JADE1: variants seen among roughly 807,000 people sequenced by gnomAD.
JADE1 encodes the protein protein Jade-1.
In JADE1, 14 loss-of-function variants were observed where a neutral mutation model predicts 81.8. That is an observed-to-expected ratio of 0.17 (90% confidence interval 0.11 to 0.27). The LOEUF (loss-of-function observed/expected upper bound fraction) is 0.27, where lower values mean the gene tolerates loss of function less well. Among genes scored for constraint, JADE1 ranks in the 10% least tolerant of loss-of-function variants. The pLI is 1.00. For missense variants in JADE1, 690 were observed against 1,047.9 expected, an observed-to-expected ratio of 0.66 and a Z score of 4.71; for synonymous variants, 353 against 391.9, an observed-to-expected ratio of 0.90 and a Z score of 1.17.
chr4:128,825,687 C>T (rs1217017857), intron 1 of JADE1, among the ~76,000 whole-genome samples: 1 of 152,254 alleles, frequency 6.6e-6, no homozygotes, highest in Non-Finnish European at 1.5e-5. Context: ...TCCTGCAGTG[C>T]AGACATTCCA....
chr4:128,809,935 C>T lies in JADE1; in HGVS notation c.-27+58C>T, dbSNP rs546345807. On this transcript the variant is annotated intron_variant, in intron 1 of 10. Transcript: ENST00000226319. ...TGGGCGCGCCGCGCGTGTGTCCGCG[C>T]GTGTCCGCGTGTGGGTCCGTGTGCG... 678 of 149,602 alleles carry T rather than the reference C, an allele frequency of 4.5e-3. 2 individuals are homozygous for T. The highest frequency in any genetic ancestry group is 6.8e-3 in the Non-Finnish European group (455 of 67,236). The allele number at this position is 149,602 out of a possible 1,614,324, so 9.3% of individuals were successfully genotyped here. A position where few individuals can be genotyped will look rare whatever the true frequency, so the allele number is the denominator to read the frequency against.
intron 1 of JADE1, among the ~76,000 whole-genome samples, chr4:128,831,224 T>C (rs17013759): frequency 0.022 from 3,339 of 152,276 alleles, 104 homozygotes; most frequent in African/African-American, 0.072. Context: ...ACCCGATTTG[T>C]TTTGTTTCTT....
At position 128,833,613 on chromosome 4, in the gene JADE1, G is replaced by A. The variant is rs528036126; in HGVS notation, c.52+1803G>A. Among the ~76,000 whole-genome samples, 37 of 152,260 alleles carry A rather than the reference G, an allele frequency of 2.4e-4. 2 individuals are homozygous for A. In the South Asian group the frequency reaches 6.8e-3, roughly 28 times the overall value. On this transcript the variant is annotated intron_variant, in intron 2 of 10. Transcript: ENST00000226319. ...GGAGGCTGAGGCAGGAGAATCACTT[G>A]AACCCAGGAGACGGAGGTTGCAGTG...
At chr4:128,865,616 C>A (rs1731724149) in intron 9 of JADE1, among the ~76,000 whole-genome samples, 1 of 152,072 alleles carries the variant, frequency 6.6e-6, no homozygotes, top group Non-Finnish European at 1.5e-5. Context: ...TAAGGGAAGT[C>A]AGGTTTAGAG....
At chr4:128,831,854 T>C (rs1175481904) in intron 2 of JADE1, 44 bp downstream of exon 2, 1 of 1,560,244 alleles carries the variant, frequency 6.4e-7, no homozygotes, top group African/African-American at 1.4e-5. Context: ...AGGGTTTGGG[T>C]CGGGGTAAAA....
At position 128,868,209 on chromosome 4, in the gene JADE1, T is replaced by C. The variant is rs148367966; in HGVS notation, c.1621+236T>C. Among the ~76,000 whole-genome samples the C allele has an allele frequency of 1.6e-3, 251 of 152,350 alleles. 2 individuals carry two copies. The Middle Eastern group carries it at 0.034, about 21-fold the overall frequency. On this transcript the variant is annotated intron_variant, in intron 10 of 10. Transcript: ENST00000226319. Reference sequence around the variant, plus strand: ...GTTCTCTGCTTACTGAGCAAACACATGAAAGTCTTTTGAGTCTCCCTAATT... The same window carrying C: ...GTTCTCTGCTTACTGAGCAAACACACGAAAGTCTTTTGAGTCTCCCTAATT...
chr4:128,810,342 G>A (rs949176937), intron 1 of JADE1: 4 of 151,202 alleles, frequency 2.6e-5, no homozygotes, highest in African/African-American at 9.7e-5. Context: ...TGAAGACTTA[G>A]AGCTATTTCT....
intron 2 of JADE1, 38 bp from the exon 3 acceptor site, chr4:128,842,915 A>T (rs369288231): frequency 6.3e-7 from 1 of 1,587,038 alleles, no homozygotes; most frequent in Admixed American, 1.7e-5. Flanking sequence ...GACCCCTGCA[A>T]TTTCTAATGG....
At position 128,855,064 on chromosome 4, in the gene JADE1, G is replaced by GCTTA. The variant is rs1212950754; in HGVS notation, c.697-566_697-565insCTTA. Among the ~76,000 whole-genome samples the GCTTA allele has an allele frequency of 7.2e-3, 1,093 of 152,166 alleles. 9 individuals are homozygous for GCTTA. Among genetic ancestry groups the GCTTA allele is most frequent in the African/African-American group, 0.025 (1,050 of 41,516 alleles). ...ACTGGGAGAGTGCTGGGATCTAGTT[G>GCTTA]GTATGGAGTTTGCTTAGCCTAGGGA... is the stretch of plus-strand genomic sequence containing the variant. On this transcript the variant is annotated intron_variant, in intron 6 of 10. Coordinates refer to ENST00000226319, the MANE Select transcript of JADE1 (RefSeq NM_199320.4).
intron 2 of JADE1, among the ~76,000 whole-genome samples, chr4:128,841,053 C>T (rs73850005): frequency 6.6e-6 from 1 of 152,178 alleles, no homozygotes; most frequent in Non-Finnish European, 1.5e-5. Context: ...CTTAAGGTCC[C>T]CAAGGTCTTA....
chr4:128,817,761 C>A (rs1310936517), intron 1 of JADE1, among the ~76,000 whole-genome samples: 1 of 152,150 alleles, frequency 6.6e-6, no homozygotes, highest in African/African-American at 2.4e-5. Context: ...ACACTGAAAC[C>A]CATGGAAGCT....
chr4:128,846,368 T>C lies in JADE1; in HGVS notation c.139-7T>C, dbSNP rs1729876148. 1 of 1,613,480 alleles carries C rather than the reference T, an allele frequency of 6.2e-7. No homozygotes were observed. Among genetic ancestry groups the C allele is most frequent in the Non-Finnish European group, 8.5e-7 (1 of 1,179,548 alleles). On this transcript the variant is annotated splice_polypyrimidine_tract_variant and splice_region_variant and intron_variant, in intron 3 of 10. Transcript: ENST00000226319. The surrounding 1 kb of genome is among the most constrained non-coding windows in gnomAD (Gnocchi z 4.0). ...AAATGTCAGTGTCCCTTTCTCTTCCTTTCCAGGTGTTTAGGACAGACCTGA... is the reference window on the plus strand; with the variant it reads ...AAATGTCAGTGTCCCTTTCTCTTCCCTTCCAGGTGTTTAGGACAGACCTGA...
intron 1 of JADE1, among the ~76,000 whole-genome samples, chr4:128,821,253 G>A (rs1368696388): frequency 2.6e-5 from 4 of 152,086 alleles, no homozygotes; most frequent in South Asian, 2.1e-4. Context: ...AAACTGAGAC[G>A]CGGAATAAGA....
intron 2 of JADE1, among the ~76,000 whole-genome samples, chr4:128,838,669 T>C (rs1201608862): frequency 1.3e-5 from 2 of 152,234 alleles, no homozygotes; most frequent in Admixed American, 6.5e-5. Context: ...TTCTAATTTC[T>C]GGTTTGACCC....
chr4:128,837,643 C>A (rs572428869), intron 2 of JADE1, among the ~76,000 whole-genome samples: 7 of 152,308 alleles, frequency 4.6e-5, no homozygotes, highest in Admixed American at 3.9e-4. Flanking sequence ...TAGTCTAGTA[C>A]AAGGCTAGCT....
chr4:128,817,011 G>A (rs4975263), intron 1 of JADE1, among the ~76,000 whole-genome samples: 75,097 of 151,266 alleles, frequency 0.5, 21,106 homozygotes, highest in South Asian at 0.64. Context: ...GGCGCATGCC[G>A]CCGTGTCTGT....
intron 1 of JADE1, among the ~76,000 whole-genome samples, chr4:128,817,588 A>G (rs750132202): frequency 2.6e-5 from 4 of 152,232 alleles, no homozygotes; most frequent in Admixed American, 1.3e-4. Flanking sequence ...GGCTTGCTTT[A>G]ATTTAGCACA....
intron 1 of JADE1, among the ~76,000 whole-genome samples, chr4:128,814,363 A>G (rs1726793140): frequency 1.3e-5 from 2 of 152,146 alleles, no homozygotes; most frequent in African/African-American, 2.4e-5. Context: ...TTAATTTTTG[A>G]CTTTAGCTGT....
At chr4:128,821,784 A>G (rs1431832370) in intron 1 of JADE1, among the ~76,000 whole-genome samples, 2 of 152,134 alleles carry the variant, frequency 1.3e-5, no homozygotes, top group African/African-American at 4.8e-5. Flanking sequence ...GGCCTCCCAA[A>G]GTGCTGGGAT....
Sources: gnomAD v4.1 joint callset for allele counts (sites outside exome capture counted in the v4.1 genomes callset) on GRCh38, gnomAD v4.1.1 for gene constraint, Gnocchi (gnomAD v3.1) non-coding constraint, MANE v1.5 for transcripts, NCBI Gene and HGNC (gene_info 2026-07-23, HGNC 2026-07-21) for gene names.